The following EIF5B variants were observed in gnomAD, a reference collection of about 807,000 sequenced individuals.
The protein encoded by EIF5B is eukaryotic translation initiation factor 5B, also known as eIF-5B.
EIF5B carries 47 observed loss-of-function variants against 147.5 expected under a neutral mutation model. That is an observed-to-expected ratio of 0.32 (90% CI 0.25 to 0.41). EIF5B has a LOEUF of 0.41. Among genes scored for constraint, EIF5B ranks in the 10% least tolerant of loss-of-function variants. The pLI, the probability that EIF5B is intolerant of heterozygous loss-of-function variation, is 1.00. For missense variants in EIF5B, 1,064 were observed against 1,413.2 expected (o/e 0.75, Z 3.96); for synonymous variants, 455 against 456.2 (o/e 1.00, Z 0.03).
intron 1 of EIF5B, among the ~76,000 whole-genome samples, chr2:99,359,169 T>A (rs1574924077): frequency 1.3e-5 from 2 of 150,870 alleles, no homozygotes; most frequent in East Asian, 3.9e-4. Flanking sequence ...GAGACCAGCC[T>A]GGCCAATATG....
At chr2:99,397,197 A>G (rs1675070151) in intron 22 of EIF5B, 1 of 231,378 alleles carries the variant, frequency 4.3e-6, no homozygotes, top group Non-Finnish European at 8.3e-6. Context: ...TGGGGCTCCA[A>G]GGCACTTTAC....
Position 99,401,130 on chromosome 2 carries a change from A to G in EIF5B, c.*1716A>G. ...AGAAATGTACAAAACACTTGCTTTA[A>G]AAGAAATTTAAAATTATAAAAACTC... is the stretch of plus-strand genomic sequence containing the variant. On this transcript the variant is annotated 3_prime_UTR_variant, in exon 24 of 24. Transcript: ENST00000289371. 1 of 580,548 alleles carries G rather than the reference A, an allele frequency of 1.7e-6. No homozygotes were observed. The highest frequency in any genetic ancestry group is 3.3e-5 in the South Asian group (1 of 30,152). The allele number at this position is 580,548 out of a possible 1,614,324, so 36.0% of individuals were successfully genotyped here.
intron 9 of EIF5B, among the ~76,000 whole-genome samples, chr2:99,372,416 A>G (rs1483623761): frequency 6.6e-6 from 1 of 152,068 alleles, no homozygotes; most frequent in South Asian, 2.1e-4. Context: ...TCGGCTCACA[A>G]CAACCTCCAC....
chr2:99,344,761 G>C (rs1189433371), intron 1 of EIF5B, among the ~76,000 whole-genome samples: 1 of 152,130 alleles, frequency 6.6e-6, no homozygotes, highest in Non-Finnish European at 1.5e-5. Context: ...GATTACTGTG[G>C]TGTGAATTTC....
At chr2:99,355,847 A>G (rs913019181) in intron 1 of EIF5B, among the ~76,000 whole-genome samples, 2 of 152,046 alleles carry the variant, frequency 1.3e-5, no homozygotes, top group Non-Finnish European at 2.9e-5. Context: ...TTCTGACCTC[A>G]GATGATCCAC....
chr2:99,357,350 G>C (rs1299379225), intron 1 of EIF5B, among the ~76,000 whole-genome samples: 5 of 152,124 alleles, frequency 3.3e-5, no homozygotes, highest in Non-Finnish European at 7.4e-5. Context: ...ATTTGGGCTT[G>C]AATTCCTGGT....
At chr2:99,379,548 T>A in intron 12 of EIF5B, 120 bp downstream of exon 12, 1 of 686,288 alleles carries the variant, frequency 1.5e-6, no homozygotes, top group Non-Finnish European at 2.3e-6. Flanking sequence ...CATTCAGAAT[T>A]AACATGTACT....
rs367739592 is a variant in EIF5B, at chr2:99,350,422, C to T, written c.36-9814C>T. On this transcript the variant is annotated intron_variant, in intron 1 of 23. Coordinates refer to ENST00000289371, the MANE Select transcript of EIF5B (RefSeq NM_015904.4). Reference sequence around the variant, plus strand: ...CCCCCCACAGTATATAATAGTTCTCCTTTCTCCATATTCTCACCATATTAT... The same window carrying T: ...CCCCCCACAGTATATAATAGTTCTCTTTTCTCCATATTCTCACCATATTAT... Among the ~76,000 whole-genome samples, 6 of 152,158 alleles carry T rather than the reference C, an allele frequency of 3.9e-5. No homozygotes were observed. The South Asian group carries it at 1.0e-3, about 26-fold the overall frequency.
chr2:99,389,617 G>A, intron 14 of EIF5B, 101 bp from the exon 15 acceptor site: 2 of 1,128,102 alleles, frequency 1.8e-6, no homozygotes, highest in South Asian at 1.7e-5. Context: ...ACACTGTTCT[G>A]TATATATGAG....
At chr2:99,344,485 G>A (rs1189379175) in intron 1 of EIF5B, among the ~76,000 whole-genome samples, 1 of 151,658 alleles carries the variant, frequency 6.6e-6, no homozygotes, top group Non-Finnish European at 1.5e-5. Context: ...CACCCAGGCT[G>A]GAGTACAGTG....
At chr2:99,390,176 G>A (rs764660302) in intron 15 of EIF5B, 43 bp from the exon 16 acceptor site, 16 of 1,610,092 alleles carry the variant, frequency 9.9e-6, no homozygotes, top group South Asian at 9.9e-5. Context: ...TTCCAGATAC[G>A]TTTTCTTTAC....
At chr2:99,362,498 A>G (rs1459774927) in intron 4 of EIF5B, among the ~76,000 whole-genome samples, 1 of 152,120 alleles carries the variant, frequency 6.6e-6, no homozygotes, top group African/African-American at 2.4e-5. Context: ...CAGGAGATAT[A>G]GACCATCCTG....
At chr2:99,387,147 A>G (rs1279959869) in intron 14 of EIF5B, among the ~76,000 whole-genome samples, 1 of 152,022 alleles carries the variant, frequency 6.6e-6, no homozygotes, top group Non-Finnish European at 1.5e-5. Flanking sequence ...ACATCAAGTG[A>G]TCCGCCAGCC....
At chr2:99,359,928 C>A (rs189639103) in intron 1 of EIF5B, among the ~76,000 whole-genome samples, 75 of 152,300 alleles carry the variant, frequency 4.9e-4, no homozygotes, top group Admixed American at 1.5e-3. Flanking sequence ...TTATAAATAA[C>A]TTCATTCAGA....
At chr2:99,339,200 A>T (rs922951743) in intron 1 of EIF5B, among the ~76,000 whole-genome samples, 1 of 151,390 alleles carries the variant, frequency 6.6e-6, no homozygotes, top group Non-Finnish European at 1.5e-5. Flanking sequence ...TTTAGTAGAG[A>T]CGGGGTTACT....
At chr2:99,367,034 G>A (rs544980406) in intron 6 of EIF5B, among the ~76,000 whole-genome samples, 90 of 152,298 alleles carry the variant, frequency 5.9e-4, no homozygotes, top group African/African-American at 2.1e-3. Context: ...TATAAAAATT[G>A]ACCCAAATGG....
chr2:99,396,980 G>A, intron 22 of EIF5B, 82 bp downstream of exon 22: 1 of 1,490,784 alleles, frequency 6.7e-7, no homozygotes, highest in African/African-American at 1.4e-5. Flanking sequence ...ACAGCTTTGT[G>A]CCTGTAGTTC....
intron 1 of EIF5B, among the ~76,000 whole-genome samples, chr2:99,347,866 C>G (rs927149168): frequency 6.6e-6 from 1 of 152,094 alleles, no homozygotes; most frequent in Non-Finnish European, 1.5e-5. Context: ...TGTTCTATGA[C>G]AGTATACTGT....
chr2:99,367,676 G>A (rs1406271451), intron 6 of EIF5B, among the ~76,000 whole-genome samples: 1 of 151,874 alleles, frequency 6.6e-6, no homozygotes, highest in Non-Finnish European at 1.5e-5. Context: ...GATGGTCCTG[G>A]ACTCCTGACC....
Sources: gnomAD v4.1 joint callset for allele counts (sites outside exome capture counted in the v4.1 genomes callset) on GRCh38, gnomAD v4.1.1 for gene constraint, MANE v1.5 for transcripts, NCBI Gene and HGNC (gene_info 2026-07-23, HGNC 2026-07-21) for gene names.